STXBP5L: variants seen among roughly 807,000 people sequenced by gnomAD.
STXBP5L encodes the protein syntaxin binding protein 5L.
In STXBP5L, 65 loss-of-function variants were observed where a neutral mutation model predicts 144.5. The ratio of observed to expected loss-of-function variants is 0.45; its 90% CI spans 0.37 to 0.55. STXBP5L has a LOEUF of 0.55. STXBP5L is among the 20% of genes least tolerant of loss of function. The pLI is 0.00. For missense variants in STXBP5L, 1,298 were observed against 1,405.5 expected (o/e 0.92, Z 1.22); for synonymous variants, 505 against 469.6 (o/e 1.08, Z -0.97).
intron 9 of STXBP5L, among the ~76,000 whole-genome samples, chr3:121,174,955 AC>A (rs982881815): frequency 6.6e-5 from 10 of 152,126 alleles, no homozygotes; most frequent in Admixed American, 1.3e-4. Context: ...AAAAACCCAG[AC>A]AACCCTACCT....
chr3:121,091,838 G>A (rs1020497486), intron 5 of STXBP5L, among the ~76,000 whole-genome samples: 2 of 152,134 alleles, frequency 1.3e-5, no homozygotes, highest in African/African-American at 4.8e-5. Context: ...TTTTAGACAT[G>A]AAGTCCTTGC....
chr3:121,362,815 T>C (rs1391283622), intron 20 of STXBP5L, among the ~76,000 whole-genome samples: 1 of 152,106 alleles, frequency 6.6e-6, no homozygotes, highest in Admixed American at 6.6e-5. Context: ...TTTTGCCCCA[T>C]AGCCACCACA....
chr3:121,005,636 G>T (rs534800931), intron 3 of STXBP5L, among the ~76,000 whole-genome samples: 9 of 152,128 alleles, frequency 5.9e-5, no homozygotes, highest in African/African-American at 2.2e-4. Flanking sequence ...TCTTTTAATT[G>T]TGATGTTAGG....
chr3:121,422,882 T>C lies in STXBP5L; in HGVS notation c.*3785T>C, dbSNP rs1357555178. ...CAGTTTTAAAGGCATCATCTATACT[T>C]TATCTACATGAAGGGATCACCATGA... On this transcript the variant is annotated 3_prime_UTR_variant, in exon 27 of 27. Coordinates refer to ENST00000471454, the MANE Select transcript of STXBP5L (RefSeq NM_001308330.2). The C allele has an allele frequency of 2.0e-5, 3 of 152,090 alleles. No homozygotes were observed. Among genetic ancestry groups the C allele is most frequent in the South Asian group, 2.1e-4 (1 of 4,812 alleles). 9.4% of individuals were successfully genotyped at this position (152,090 alleles called of 1,614,324 possible). A position where few individuals can be genotyped will look rare whatever the true frequency, so the allele number is the denominator to read the frequency against.
chr3:121,344,299 A>T (rs996019239), intron 20 of STXBP5L, among the ~76,000 whole-genome samples: 1 of 152,132 alleles, frequency 6.6e-6, no homozygotes, highest in Non-Finnish European at 1.5e-5. Context: ...GAAAACCCTA[A>T]AAGAAAACCT....
chr3:121,355,482 A>G lies in STXBP5L; in HGVS notation c.2177-23234A>G, dbSNP rs1208708203. On this transcript the variant is annotated intron_variant, in intron 20 of 26. Transcript: ENST00000471454. Reference sequence around the variant, plus strand: ...TTTCTTCCACTTGATCGAATCAGCTATTGAATCTTGTGCATGCATCACGAA... The same window carrying G: ...TTTCTTCCACTTGATCGAATCAGCTGTTGAATCTTGTGCATGCATCACGAA... Among the ~76,000 whole-genome samples the G allele has an allele frequency of 2.6e-5, 4 of 152,100 alleles. No homozygotes were observed. In the South Asian group the frequency reaches 8.3e-4, roughly 32 times the overall value.
At chr3:121,188,177 C>G (rs1199795314) in intron 9 of STXBP5L, among the ~76,000 whole-genome samples, 1 of 152,102 alleles carries the variant, frequency 6.6e-6, no homozygotes, top group Admixed American at 6.6e-5. Context: ...AGCTCTGCAC[C>G]AAGTGGACCT....
intron 3 of STXBP5L, among the ~76,000 whole-genome samples, chr3:120,957,495 T>C (rs964128534): frequency 6.6e-6 from 1 of 152,004 alleles, no homozygotes; most frequent in Non-Finnish European, 1.5e-5. Flanking sequence ...GGATATTGGC[T>C]TGTAGTGTTC....
At chr3:121,412,582 T>A (rs150959378) in intron 23 of STXBP5L, among the ~76,000 whole-genome samples, 1 of 152,172 alleles carries the variant, frequency 6.6e-6, no homozygotes, top group East Asian at 1.9e-4. Flanking sequence ...TCTCCTTTTA[T>A]TATCACCCTC....
chr3:121,213,065 C>G (rs1339992335), intron 10 of STXBP5L, among the ~76,000 whole-genome samples: 1 of 152,120 alleles, frequency 6.6e-6, no homozygotes, highest in Non-Finnish European at 1.5e-5. Context: ...AGTTTTGTAT[C>G]CTGAGACTTT....
chr3:121,244,488 A>G (rs1485738967), intron 14 of STXBP5L, among the ~76,000 whole-genome samples: 1 of 151,944 alleles, frequency 6.6e-6, no homozygotes, highest in Non-Finnish European at 1.5e-5. Context: ...AGAATGGAGT[A>G]GAGAGAATGG....
chr3:121,094,880 C>T (rs2043031331), intron 5 of STXBP5L, among the ~76,000 whole-genome samples: 1 of 152,034 alleles, frequency 6.6e-6, no homozygotes, highest in South Asian at 2.1e-4. Context: ...ATGGTCTTTA[C>T]ATTTTGGCAT....
intron 5 of STXBP5L, among the ~76,000 whole-genome samples, chr3:121,112,913 A>G (rs1236191731): frequency 1.3e-5 from 2 of 152,284 alleles, no homozygotes; most frequent in African/African-American, 4.8e-5. Context: ...AAGTGTTAGT[A>G]TATCTTTTCC....
chr3:121,407,337 T>A lies in STXBP5L; in HGVS notation c.2682T>A (p.Asp894Glu), dbSNP rs777391481. The A allele has an allele frequency of 4.8e-5, 78 of 1,612,648 alleles. No homozygotes were observed. Among genetic ancestry groups the A allele is most frequent in the Non-Finnish European group, 6.3e-5 (74 of 1,179,254 alleles). The change falls in exon 23 of 27, where the codon GAT becomes GAA. Residue 894 changes from aspartate to glutamate, a missense_variant. Transcript: ENST00000471454. ...LMQPPYEVWR[D>E]PNNIDENEKS... ...AACCGCCATATGAAGTTTGGAGGGA[T>A]CCAAACAACATAGATGAAAATGAAA... is the stretch of plus-strand genomic sequence containing the variant.
intron 3 of STXBP5L, among the ~76,000 whole-genome samples, chr3:121,021,199 G>A (rs1022285715): frequency 6.6e-6 from 1 of 152,056 alleles, no homozygotes; most frequent in African/African-American, 2.4e-5. Context: ...AAAAGGATTA[G>A]TCCAACAGGA....
Position 121,316,253 on chromosome 3 carries a change from T to C in STXBP5L, c.2111-2222T>C, listed in dbSNP as rs117793485. On this transcript the variant is annotated intron_variant, in intron 19 of 26. Transcript: ENST00000471454. ...CAAGGAAGTAGTTTTACTATTATTGTTAGATCCATATTCAGTTCAGTTCCT... is the reference window on the plus strand; with the variant it reads ...CAAGGAAGTAGTTTTACTATTATTGCTAGATCCATATTCAGTTCAGTTCCT... 1.1e-3 allele frequency among the ~76,000 whole-genome samples: 170 copies of C among 152,334 alleles called. 1 individual carries two copies. In the East Asian group the frequency reaches 0.03, roughly 27 times the overall value.
At chr3:121,092,092 G>A (rs554124131) in intron 5 of STXBP5L, among the ~76,000 whole-genome samples, 200 of 152,230 alleles carry the variant, frequency 1.3e-3, no homozygotes, top group African/African-American at 3.7e-3. Context: ...TTGTAGATAT[G>A]CAGCGTTATT....
chr3:120,981,762 A>G (rs1235247620), intron 3 of STXBP5L, among the ~76,000 whole-genome samples: 2 of 152,116 alleles, frequency 1.3e-5, no homozygotes, highest in South Asian at 2.1e-4. Flanking sequence ...TCATATTGCC[A>G]GTGTTCTTAT....
chr3:121,034,577 T>C (rs112813415), intron 3 of STXBP5L, among the ~76,000 whole-genome samples: 3 of 150,936 alleles, frequency 2.0e-5, no homozygotes, highest in East Asian at 1.9e-4. Context: ...TCCATCCATC[T>C]ATCTATGTAT....
Sources: allele counts gnomAD v4.1 joint callset (sites outside exome capture counted in the v4.1 genomes callset), GRCh38; gene constraint gnomAD v4.1.1; transcripts MANE v1.5; gene names NCBI Gene and HGNC (gene_info 2026-07-23, HGNC 2026-07-21).